The following KIRREL3 variants were observed in gnomAD, a reference collection of about 807,000 sequenced individuals.
KIRREL3 encodes kirre like nephrin family adhesion molecule 3.
A neutral mutation model predicts 89.7 loss-of-function variants in KIRREL3; 36 were observed. The ratio of observed to expected loss-of-function variants is 0.40; its 90% confidence interval spans 0.31 to 0.53. The LOEUF (loss-of-function observed/expected upper bound fraction) is 0.53, where lower values mean the gene tolerates loss of function less well. Ranked by LOEUF, KIRREL3 falls within the 20% of genes least tolerant of loss-of-function variation. The pLI is 0.49. For missense variants in KIRREL3, 864 were observed against 1,056.6 expected (o/e 0.82, Z 2.53); for synonymous variants, 445 against 441.4 (o/e 1.01, Z -0.10).
At position 126,696,041 on chromosome 11, in the gene KIRREL3, G is replaced by A. The variant is rs1009059753; in HGVS notation, c.56-133129C>T. The stretch of plus-strand genomic sequence containing the variant: ...GGCTGAGGCGGGTGGATTACCTGAG[G>A]TCAGGAGTTCAAGACCAGCCTGACC... On this transcript the variant is annotated intron_variant, in intron 1 of 16. Transcript: ENST00000525144. This position sits in a 1 kb window ranked among gnomAD's most constrained non-coding sequence, Gnocchi z 4.4. 7.9e-5 allele frequency among the ~76,000 whole-genome samples: 12 copies of A among 151,790 alleles called. No individual in the cohort carries two copies. Among genetic ancestry groups the A allele is most frequent in the Non-Finnish European group, 4.4e-5 (3 of 67,946 alleles).
rs56186638 is a variant in KIRREL3, at chr11:126,544,674, C to T, written c.134-17987G>A. Among the ~76,000 whole-genome samples, 16,949 of 152,136 alleles carry T rather than the reference C, an allele frequency of 0.11. 1,078 individuals carry two copies. The highest frequency in any genetic ancestry group is 0.16 in the Admixed American group (2,477 of 15,284). ...CCCTGTCATTTATTTACTCCCTCCA[C>T]GGGGCTGCTTTTTGTATCTGGGCCA... is the stretch of plus-strand genomic sequence containing the variant. On this transcript the variant is annotated intron_variant, in intron 2 of 16. Coordinates refer to ENST00000525144, the MANE Select transcript of KIRREL3 (RefSeq NM_032531.4). The surrounding 1 kb of genome is among the most constrained non-coding windows in gnomAD (Gnocchi z 5.6).
chr11:126,594,480 C>T lies in KIRREL3; in HGVS notation c.56-31568G>A, dbSNP rs1260469712. Among the ~76,000 whole-genome samples, 1 of 152,156 alleles carries T rather than the reference C, an allele frequency of 6.6e-6. No homozygotes were observed. Among genetic ancestry groups the T allele is most frequent in the Admixed American group, 6.5e-5 (1 of 15,288 alleles). ...ATCGCTGGAAACTGTCAAATCTCAG[C>T]TCCTTCCACTTTTTTCGCTGTGTAA... On this transcript the variant is annotated intron_variant, in intron 1 of 16. Transcript: ENST00000525144. This position sits in a 1 kb window ranked among gnomAD's most constrained non-coding sequence, Gnocchi z 5.0.
intron 4 of KIRREL3, among the ~76,000 whole-genome samples, chr11:126,497,842 T>G (rs1001675924): frequency 3.9e-5 from 6 of 152,178 alleles, no homozygotes; most frequent in Non-Finnish European, 7.3e-5. Context: ...TAGCTCCTCC[T>G]TCAGTCACCA....
At chr11:126,481,980 G>C (rs1260694705) in intron 4 of KIRREL3, among the ~76,000 whole-genome samples, 1 of 152,208 alleles carries the variant, frequency 6.6e-6, no homozygotes, top group Non-Finnish European at 1.5e-5. Flanking sequence ...TTGTGGATAA[G>C]AGCCACCTGC....
Position 126,474,215 on chromosome 11 carries a change from C to T in KIRREL3, c.434-749G>A, listed in dbSNP as rs1345965389. Among the ~76,000 whole-genome samples the T allele has an allele frequency of 3.9e-5, 6 of 152,236 alleles. No individual in the cohort carries two copies. The highest frequency in any genetic ancestry group is 7.3e-5 in the Non-Finnish European group (5 of 68,046). On this transcript the variant is annotated intron_variant, in intron 4 of 16. Coordinates refer to ENST00000525144, the MANE Select transcript of KIRREL3 (RefSeq NM_032531.4). The surrounding 1 kb of genome is among the most constrained non-coding windows in gnomAD (Gnocchi z 6.7). ...CCACCCGCCTCAGGCTCCCAAAGTG[C>T]TGGGATTACAGGCGTGAGCCACGGC...
intron 1 of KIRREL3, among the ~76,000 whole-genome samples, chr11:126,757,858 TACA>T (rs1302330082): frequency 3.3e-5 from 5 of 152,178 alleles, no homozygotes; most frequent in Non-Finnish European, 7.4e-5. Context: ...TCCCCATCTG[TACA>T]TTGAGATACT....
intron 1 of KIRREL3, among the ~76,000 whole-genome samples, chr11:126,725,649 T>A (rs930986577): frequency 4.6e-5 from 7 of 152,240 alleles, no homozygotes; most frequent in African/African-American, 1.7e-4. Flanking sequence ...GGAGGAGGCC[T>A]GTCAGGGTGC....
chr11:126,854,779 A>AT (rs1007805699), intron 1 of KIRREL3, among the ~76,000 whole-genome samples: 6 of 152,198 alleles, frequency 3.9e-5, no homozygotes, highest in African/African-American at 1.2e-4. Flanking sequence ...TCTATGTTTA[A>AT]TTTTTTGAGG....
intron 1 of KIRREL3, among the ~76,000 whole-genome samples, chr11:126,577,283 A>C (rs777585239): frequency 6.6e-6 from 1 of 152,128 alleles, no homozygotes; most frequent in Non-Finnish European, 1.5e-5. Context: ...CACCTGAAAC[A>C]AATTCAGTAT....
rs1315275515 is a variant in KIRREL3 at position 126,668,563 on chromosome 11, T to C, written c.56-105651A>G. ...CAACTGCACCCGGAATGATGGCCTTTCTTCCTGTTCTTCCTCGTTAGTTTC... is the reference window on the plus strand; with the variant it reads ...CAACTGCACCCGGAATGATGGCCTTCCTTCCTGTTCTTCCTCGTTAGTTTC... On this transcript the variant is annotated intron_variant, in intron 1 of 16. Transcript: ENST00000525144. The surrounding 1 kb of genome is among the most constrained non-coding windows in gnomAD (Gnocchi z 4.4). Among the ~76,000 whole-genome samples the C allele has an allele frequency of 6.6e-6, 1 of 152,080 alleles. No individual in the cohort carries two copies. The highest frequency in any genetic ancestry group is 1.5e-5 in the Non-Finnish European group (1 of 68,014).
rs1946211439 is a variant in KIRREL3 at position 126,676,799 on chromosome 11, T to C, written c.56-113887A>G. ...TTTAGAGCTGATTTTTTTTTTTTCC[T>C]TTTGAGACAGAGTCTCCCTCTGCCA... is the stretch of plus-strand genomic sequence containing the variant. On this transcript the variant is annotated intron_variant, in intron 1 of 16. Coordinates refer to ENST00000525144, the MANE Select transcript of KIRREL3 (RefSeq NM_032531.4). The surrounding 1 kb of genome is among the most constrained non-coding windows in gnomAD (Gnocchi z 4.5). 6.6e-6 allele frequency among the ~76,000 whole-genome samples: 1 copy of C among 151,924 alleles called. No individual in the cohort carries two copies. Among genetic ancestry groups the C allele is most frequent in the African/African-American group, 2.4e-5 (1 of 41,364 alleles).
At chr11:126,841,199 A>G (rs2134523297) in intron 1 of KIRREL3, among the ~76,000 whole-genome samples, 1 of 152,308 alleles carries the variant, frequency 6.6e-6, no homozygotes, top group East Asian at 1.9e-4. Context: ...AAAGGGGTCT[A>G]CTGTCCTCTT....
Position 126,462,411 on chromosome 11 carries a change from T to A in KIRREL3, c.742+746A>T, listed in dbSNP as rs1029069397. Reference sequence around the variant, plus strand: ...CAGGCGAAGTGGCTCACATCTGTAATCCCAGCACTTTAGGAGGCCAAGGCG... The same window carrying A: ...CAGGCGAAGTGGCTCACATCTGTAAACCCAGCACTTTAGGAGGCCAAGGCG... On this transcript the variant is annotated intron_variant, in intron 6 of 16. Transcript: ENST00000525144. This position sits in a 1 kb window ranked among gnomAD's most constrained non-coding sequence, Gnocchi z 4.8. 2.6e-5 allele frequency among the ~76,000 whole-genome samples: 4 copies of A among 152,188 alleles called. No individual in the cohort carries two copies. Among genetic ancestry groups the A allele is most frequent in the Admixed American group, 6.5e-5 (1 of 15,284 alleles).
intron 1 of KIRREL3, among the ~76,000 whole-genome samples, chr11:126,658,857 A>G (rs1350122517): frequency 1.3e-5 from 2 of 152,214 alleles, no homozygotes; most frequent in Non-Finnish European, 1.5e-5. Flanking sequence ...TAGAAAGTCA[A>G]TGACCACATA....
Position 126,632,654 on chromosome 11 carries a change from C to G in KIRREL3, c.56-69742G>C, listed in dbSNP as rs554882325. Among the ~76,000 whole-genome samples the G allele has an allele frequency of 9.4e-4, 8 of 8,554 alleles. No homozygotes were observed. In the East Asian group the frequency reaches 0.042, roughly 45 times the overall value. The allele number at this position is 8,554 out of a possible 152,430, so 5.6% of individuals were successfully genotyped here. A position where few individuals can be genotyped will look rare whatever the true frequency, so the allele number is the denominator to read the frequency against. ...CAGCACGGAGCGTTTACTTTCTTGT[C>G]TCTATTATTTTCTTGCTCATCCTCC... On this transcript the variant is annotated intron_variant, in intron 1 of 16. Coordinates refer to ENST00000525144, the MANE Select transcript of KIRREL3 (RefSeq NM_032531.4).
intron 1 of KIRREL3, among the ~76,000 whole-genome samples, chr11:126,733,443 G>T (rs1335565498): frequency 6.6e-6 from 1 of 152,220 alleles, no homozygotes; most frequent in African/African-American, 2.4e-5. Flanking sequence ...CTGGGGAGAT[G>T]AAACCAGTTT....
At chr11:126,893,394 G>A (rs1946003838) in intron 1 of KIRREL3, among the ~76,000 whole-genome samples, 2 of 152,200 alleles carry the variant, frequency 1.3e-5, no homozygotes, top group African/African-American at 4.8e-5. Context: ...ATGATTGCAA[G>A]GTCATTTTGC....
rs956495880 is a variant in KIRREL3 at position 126,811,190 on chromosome 11, C to G, written c.55+189265G>C. Among the ~76,000 whole-genome samples, 2 of 152,212 alleles carry G rather than the reference C, an allele frequency of 1.3e-5. No individual in the cohort carries two copies. Among genetic ancestry groups the G allele is most frequent in the African/African-American group, 4.8e-5 (2 of 41,446 alleles). On this transcript the variant is annotated intron_variant, in intron 1 of 16. Coordinates refer to ENST00000525144, the MANE Select transcript of KIRREL3 (RefSeq NM_032531.4). The surrounding 1 kb of genome is among the most constrained non-coding windows in gnomAD (Gnocchi z 4.3). ...CTCCATGTGTTGTTACCCCACCTGA[C>G]AGTTCACAATTCTGTCTTTCCTCCT...
Position 126,506,786 on chromosome 11 carries a change from T to TG in KIRREL3, c.433+14528_433+14529insC, listed in dbSNP as rs201434970. Among the ~76,000 whole-genome samples the TG allele has an allele frequency of 9.2e-3, 1,400 of 152,048 alleles. 14 individuals are homozygous for TG. Among genetic ancestry groups the TG allele is most frequent in the African/African-American group, 0.032 (1,308 of 41,420 alleles). ...AATGTTCATAGCAACAATTTTTTTT[T>TG]TTTGTTTTTGGTATTTTTAGTAGAG... On this transcript the variant is annotated intron_variant, in intron 4 of 16. Transcript: ENST00000525144.
Sources: gnomAD v4.1 joint callset for allele counts (sites outside exome capture counted in the v4.1 genomes callset) on GRCh38, gnomAD v4.1.1 for gene constraint, Gnocchi (gnomAD v3.1) non-coding constraint, MANE v1.5 for transcripts, NCBI Gene and HGNC (gene_info 2026-07-23, HGNC 2026-07-21) for gene names.